NTM: variants seen among roughly 807,000 people sequenced by gnomAD.
The protein encoded by NTM is IgLON family member 2.
NTM carries 13 observed loss-of-function variants against 42.1 expected under a neutral mutation model. The observed-to-expected ratio is 0.31, with a 90% confidence interval of 0.20 to 0.49. The LOEUF (loss-of-function observed/expected upper bound fraction) is 0.49, where lower values mean the gene tolerates loss of function less well. NTM is among the 20% of genes least tolerant of loss of function. The probability of loss-of-function intolerance (pLI) is 0.99; values close to 1 mark genes in which losing one functional copy is unlikely to be tolerated. For missense variants in NTM, 373 were observed against 452.8 expected, an observed-to-expected ratio of 0.82 and a Z score of 1.60; for synonymous variants, 187 against 179.2, an observed-to-expected ratio of 1.04 and a Z score of -0.35.
At chr11:132,125,183 G>C (rs2065471638) in intron 2 of NTM, among the ~76,000 whole-genome samples, 2 of 152,180 alleles carry the variant, frequency 1.3e-5, no homozygotes, top group South Asian at 2.1e-4. Context: ...GACTGAGTGA[G>C]TGAATCAGGA....
chr11:131,874,015 T>TATATAATATAATATAATATA (rs1314514357), intron 1 of NTM, among the ~76,000 whole-genome samples: 4 of 67,508 alleles, frequency 5.9e-5, no homozygotes, highest in African/African-American at 1.5e-4. Flanking sequence ...ATAATATATT[T>TATATAATATAATATAATATA]ATATAATATA....
chr11:131,783,021 T>G (rs1476207382), intron 1 of NTM, among the ~76,000 whole-genome samples: 1 of 152,092 alleles, frequency 6.6e-6, no homozygotes, highest in Non-Finnish European at 1.5e-5. Flanking sequence ...GTATACAGAT[T>G]GGAAAGAAAA....
At chr11:131,948,205 TA>T (rs200173787) in intron 2 of NTM, among the ~76,000 whole-genome samples, 13 of 148,720 alleles carry the variant, frequency 8.7e-5, no homozygotes, top group African/African-American at 2.5e-4. Flanking sequence ...ACTAAAAATA[TA>T]AAAAAAAAAT....
chr11:132,111,006 A>G (rs533682736), intron 2 of NTM, among the ~76,000 whole-genome samples: 7 of 149,152 alleles, frequency 4.7e-5, no homozygotes, highest in African/African-American at 9.8e-5. Context: ...CAGAGCTACA[A>G]TGAGCCATGA....
At position 131,854,034 on chromosome 11, in the gene NTM, C is replaced by T. The variant is rs572304365; in HGVS notation, c.83-57530C>T. 2.6e-5 allele frequency among the ~76,000 whole-genome samples: 4 copies of T among 152,342 alleles called. No individual in the cohort carries two copies. The South Asian group carries it at 8.3e-4, about 32-fold the overall frequency. On this transcript the variant is annotated intron_variant, in intron 1 of 8. Coordinates refer to ENST00000683400, the MANE Select transcript of NTM (RefSeq NM_001352005.2). ...GTCCTGGAGTAGATGCATGGTTCAT[C>T]TGTAGTAGTTTAGGAAAGCAAGCCC...
In NTM at chr11:131,488,613, T is replaced by A. The variant is rs192648613; in HGVS notation, c.82+117725T>A. ...GCAAGTGCAGCATGTGCATACAGGG[T>A]GGGAGGAATTCTTGGAGGCCTTTTT... is the stretch of plus-strand genomic sequence containing the variant. On this transcript the variant is annotated intron_variant, in intron 1 of 8. Coordinates refer to ENST00000683400, the MANE Select transcript of NTM (RefSeq NM_001352005.2). Among the ~76,000 whole-genome samples, 4 of 152,194 alleles carry A rather than the reference T, an allele frequency of 2.6e-5. No individual in the cohort carries two copies. The East Asian group carries it at 7.7e-4, about 29-fold the overall frequency.
At chr11:131,707,830 C>G (rs77826741) in intron 1 of NTM, among the ~76,000 whole-genome samples, 3,742 of 152,142 alleles carry the variant, frequency 0.025, 152 homozygotes, top group African/African-American at 0.085. Flanking sequence ...TGGTGAAAAG[C>G]TGAAAACTTT....
At chr11:132,304,011 G>GAATT (rs538093023) in intron 4 of NTM, among the ~76,000 whole-genome samples, 43 of 152,208 alleles carry the variant, frequency 2.8e-4, no homozygotes, top group Non-Finnish European at 5.3e-4. Flanking sequence ...AGAGGGTAGA[G>GAATT]AATTGGTTTC....
chr11:131,555,949 G>A (rs1050296798), intron 1 of NTM, among the ~76,000 whole-genome samples: 29 of 152,162 alleles, frequency 1.9e-4, no homozygotes, highest in Admixed American at 1.5e-3. Flanking sequence ...AGATGCCAAC[G>A]GTGCTGCCCT....
intron 1 of NTM, among the ~76,000 whole-genome samples, chr11:131,879,800 C>A (rs10791180): frequency 6.6e-6 from 1 of 151,916 alleles, no homozygotes; most frequent in Admixed American, 6.6e-5. Context: ...ATAGTTGTCC[C>A]AAATTCCTTT....
At chr11:132,089,014 G>T (rs183954606) in intron 2 of NTM, among the ~76,000 whole-genome samples, 43 of 152,166 alleles carry the variant, frequency 2.8e-4, no homozygotes, top group African/African-American at 9.4e-4. Flanking sequence ...TTACAAAATT[G>T]CCCTTGTTTG....
chr11:131,600,616 G>T (rs1342604051), intron 1 of NTM, among the ~76,000 whole-genome samples: 5 of 152,272 alleles, frequency 3.3e-5, no homozygotes, highest in Admixed American at 3.3e-4. Flanking sequence ...CTCTGCCAAA[G>T]AAATTTTAAA....
intron 4 of NTM, among the ~76,000 whole-genome samples, chr11:132,298,569 T>A (rs1186596711): frequency 3.3e-5 from 5 of 150,654 alleles, no homozygotes; most frequent in Admixed American, 2.6e-4. Flanking sequence ...ACCCACGTCA[T>A]GTTGTTATGG....
At chr11:132,236,947 A>G (rs918360359) in intron 4 of NTM, among the ~76,000 whole-genome samples, 4 of 152,160 alleles carry the variant, frequency 2.6e-5, no homozygotes, top group African/African-American at 7.2e-5. Context: ...AGGGGAGACC[A>G]GGGGCCCAGA....
intron 3 of NTM, among the ~76,000 whole-genome samples, chr11:132,174,517 A>G (rs1194599485): frequency 6.6e-6 from 1 of 152,126 alleles, no homozygotes; most frequent in Admixed American, 6.5e-5. Flanking sequence ...CTGGGTGAGG[A>G]GCGGACTATG....
intron 2 of NTM, among the ~76,000 whole-genome samples, chr11:131,996,191 A>T (rs1389876209): frequency 6.6e-6 from 1 of 152,122 alleles, no homozygotes; most frequent in Non-Finnish European, 1.5e-5. Flanking sequence ...GACATGATCA[A>T]TCTGTGTTTT....
At chr11:132,333,280 G>C (rs747888106) in intron 8 of NTM, among the ~76,000 whole-genome samples, 1 of 152,098 alleles carries the variant, frequency 6.6e-6, no homozygotes, top group Admixed American at 6.5e-5. Flanking sequence ...CACAGACAAG[G>C]GCCTTGGTTG....
intron 6 of NTM, among the ~76,000 whole-genome samples, chr11:132,313,366 C>T (rs1476738897): frequency 2.6e-5 from 4 of 152,038 alleles, no homozygotes; most frequent in African/African-American, 7.3e-5. Context: ...AGTGTGCTCC[C>T]GCCATGTTAT....
At chr11:131,574,640 A>C (rs1207715707) in intron 1 of NTM, among the ~76,000 whole-genome samples, 1 of 152,030 alleles carries the variant, frequency 6.6e-6, no homozygotes, top group Non-Finnish European at 1.5e-5. Flanking sequence ...GATCCTGTCC[A>C]GTGATCTACA....
Sources: allele counts gnomAD v4.1 joint callset (sites outside exome capture counted in the v4.1 genomes callset), GRCh38; gene constraint gnomAD v4.1.1; transcripts MANE v1.5; gene names NCBI Gene and HGNC (gene_info 2026-07-23, HGNC 2026-07-21).